Variants in SLC44A5 observed in about 807,000 individuals in gnomAD.
SLC44A5 encodes solute carrier family 44 member 5.
SLC44A5 carries 57 observed loss-of-function variants against 101.8 expected under a neutral mutation model. The observed-to-expected ratio is 0.56, with a 90% confidence interval of 0.45 to 0.70. The LOEUF is 0.70. SLC44A5 is among the 30% of genes least tolerant of loss of function. The probability of loss-of-function intolerance (pLI) is 0.00; values close to 1 mark genes in which losing one functional copy is unlikely to be tolerated. For missense variants in SLC44A5, 737 were observed against 853.1 expected, an observed-to-expected ratio of 0.86 and a Z score of 1.70; for synonymous variants, 281 against 290.9, an observed-to-expected ratio of 0.97 and a Z score of 0.35.
intron 4 of SLC44A5, among the ~76,000 whole-genome samples, chr1:75,317,864 T>C (rs1655814899): frequency 6.6e-6 from 1 of 152,078 alleles, no homozygotes; most frequent in South Asian, 2.1e-4. Context: ...TCTCTAAACC[T>C]AAGTACCTCC....
chr1:75,390,869 A>G (rs1661739750), intron 3 of SLC44A5, among the ~76,000 whole-genome samples: 1 of 152,132 alleles, frequency 6.6e-6, no homozygotes, highest in Non-Finnish European at 1.5e-5. Context: ...GAACAAAACA[A>G]AACGGATCTA....
chr1:75,300,436 T>C (rs113561914), intron 5 of SLC44A5, among the ~76,000 whole-genome samples, 176 bp downstream of exon 5: 2 of 152,198 alleles, frequency 1.3e-5, no homozygotes, highest in African/African-American at 4.8e-5. Flanking sequence ...TGTTTTATGT[T>C]CATTTTTTAT....
intron 2 of SLC44A5, among the ~76,000 whole-genome samples, chr1:75,482,800 A>G (rs1667946712): frequency 6.6e-6 from 1 of 152,206 alleles, no homozygotes; most frequent in South Asian, 2.1e-4. Context: ...TTAAAAAGTA[A>G]AGATAAGTTT....
intron 4 of SLC44A5, among the ~76,000 whole-genome samples, chr1:75,318,556 G>T (rs1229334613): frequency 6.6e-6 from 1 of 152,184 alleles, no homozygotes; most frequent in Non-Finnish European, 1.5e-5. Context: ...CAGTAAGTCA[G>T]ATAAAAATGC....
At chr1:75,677,497 A>C in the SLC44A5 span, among the ~76,000 whole-genome samples, 1 of 152,212 alleles carries the variant, frequency 6.6e-6, no homozygotes, top group Non-Finnish European at 1.5e-5. Flanking sequence ...GAATTTTAAA[A>C]AGCAATATGT....
In SLC44A5 at chr1:75,300,691, G is replaced by A; in HGVS notation, c.102-6C>T. The stretch of plus-strand genomic sequence containing the variant: ...ACAGAACATCTGTACAACTCCTAAA[G>A]ACAAAAAAAGAAATAAATAATTAAA... On this transcript the variant is annotated splice_region_variant and splice_polypyrimidine_tract_variant and intron_variant, in intron 4 of 23. Coordinates refer to ENST00000370859, the MANE Select transcript of SLC44A5 (RefSeq NM_001130058.2). 5.8e-6 allele frequency: 9 copies of A among 1,556,550 alleles called. No individual in the cohort carries two copies. Among genetic ancestry groups the A allele is most frequent in the Non-Finnish European group, 6.9e-6 (8 of 1,153,532 alleles).
the SLC44A5 span, among the ~76,000 whole-genome samples, chr1:75,666,828 ACAGAAAC>A: frequency 6.6e-6 from 1 of 152,222 alleles, no homozygotes; most frequent in Non-Finnish European, 1.5e-5. Flanking sequence ...AGAACCCATG[ACAGAAAC>A]CACATTATTA....
chr1:75,605,852 C>T (rs1675292302), intron 1 of SLC44A5, among the ~76,000 whole-genome samples: 1 of 152,024 alleles, frequency 6.6e-6, no homozygotes, highest in South Asian at 2.1e-4. Context: ...AAGCAGCTTC[C>T]TAGCTTCTCT....
At chr1:75,667,385 T>G in the SLC44A5 span, among the ~76,000 whole-genome samples, 1 of 152,110 alleles carries the variant, frequency 6.6e-6, no homozygotes, top group Admixed American at 6.5e-5. Context: ...GTGAAGGACT[T>G]CTTCAAGGAG....
intron 3 of SLC44A5, among the ~76,000 whole-genome samples, chr1:75,373,168 T>A (rs1007576304): frequency 1.3e-5 from 2 of 152,014 alleles, no homozygotes; most frequent in Non-Finnish European, 2.9e-5. Flanking sequence ...CCTCCCTCAC[T>A]AACAGAAACC....
At chr1:75,268,383 C>A (rs751052286) in intron 6 of SLC44A5, among the ~76,000 whole-genome samples, 3 of 152,130 alleles carry the variant, frequency 2.0e-5, no homozygotes, top group Non-Finnish European at 2.9e-5. Context: ...CTCTGTTAGG[C>A]CATCTGCTTT....
At chr1:75,550,523 A>C (rs1455245924) in intron 1 of SLC44A5, among the ~76,000 whole-genome samples, 3 of 152,132 alleles carry the variant, frequency 2.0e-5, no homozygotes, top group Non-Finnish European at 4.4e-5. Flanking sequence ...GTACACTTCT[A>C]AAATGGCAAA....
chr1:75,679,032 T>C, the SLC44A5 span, among the ~76,000 whole-genome samples: 13 of 151,756 alleles, frequency 8.6e-5, no homozygotes, highest in East Asian at 1.9e-3. Context: ...ATGAAATGAA[T>C]GAAATGAAGC....
chr1:75,444,448 A>T (rs921737093), intron 2 of SLC44A5, among the ~76,000 whole-genome samples: 1 of 144,142 alleles, frequency 6.9e-6, no homozygotes, highest in Non-Finnish European at 1.5e-5. Context: ...AGAAAGAAAG[A>T]AAGAAAGAAA....
intron 5 of SLC44A5, among the ~76,000 whole-genome samples, chr1:75,284,604 G>T (rs115083950): frequency 0.024 from 3,712 of 152,024 alleles, 149 homozygotes; most frequent in African/African-American, 0.086. Flanking sequence ...AGGGGGAATG[G>T]TTTAAACTTT....
chr1:75,498,459 G>A (rs1465449451), intron 2 of SLC44A5, among the ~76,000 whole-genome samples: 1 of 151,982 alleles, frequency 6.6e-6, no homozygotes. Flanking sequence ...ACCTTATGTT[G>A]CATTCTTTAA....
chr1:75,384,253 C>T (rs1570078821), intron 3 of SLC44A5, among the ~76,000 whole-genome samples: 2 of 152,118 alleles, frequency 1.3e-5, no homozygotes, highest in South Asian at 4.1e-4. Context: ...TGGAAAGACA[C>T]AGACTGGCAA....
At chr1:75,485,675 C>A (rs1377584150) in intron 2 of SLC44A5, among the ~76,000 whole-genome samples, 2 of 152,132 alleles carry the variant, frequency 1.3e-5, no homozygotes, top group Non-Finnish European at 2.9e-5. Context: ...CCCAAACTCC[C>A]AGTACCAATT....
At chr1:75,266,072 T>C (rs930899664) in intron 6 of SLC44A5, among the ~76,000 whole-genome samples, 1 of 152,134 alleles carries the variant, frequency 6.6e-6, no homozygotes, top group African/African-American at 2.4e-5. Context: ...CCCTGGTGTT[T>C]CTCCTAGAGT....
Sources: allele counts gnomAD v4.1 joint callset (sites outside exome capture counted in the v4.1 genomes callset), GRCh38; gene constraint gnomAD v4.1.1; transcripts MANE v1.5; gene names NCBI Gene and HGNC (gene_info 2026-07-23, HGNC 2026-07-21).